Variants in KIF6 observed in about 807,000 individuals in gnomAD.
KIF6 encodes the protein kinesin family member 6, also known as kinesin-like protein KIF6.
A neutral mutation model predicts 112.7 loss-of-function variants in KIF6; 106 were observed. That is an observed-to-expected ratio of 0.94 (90% CI 0.80 to 1.11). The LOEUF is 1.11. Among genes scored for constraint, KIF6 ranks in the 50% least tolerant of loss-of-function variants. KIF6 has a pLI of 0.00. For synonymous variants in KIF6, 339 were observed against 339.9 expected (o/e 1.00, Z 0.03); for missense variants, 929 against 964.0 (o/e 0.96, Z 0.48).
intron 15 of KIF6, among the ~76,000 whole-genome samples, chr6:39,400,788 G>C (rs1768643080): frequency 1.3e-5 from 2 of 152,196 alleles, no homozygotes; most frequent in South Asian, 4.1e-4. Flanking sequence ...GCAGTCAAGG[G>C]TATCAATGAA....
At chr6:39,518,660 C>T (rs1029333055) in intron 13 of KIF6, among the ~76,000 whole-genome samples, 3 of 152,186 alleles carry the variant, frequency 2.0e-5, no homozygotes, top group Admixed American at 2.0e-4. Flanking sequence ...AAAATCCAGA[C>T]AGTGCTTGTA....
rs569607707 is a variant in KIF6 at position 39,346,647 on chromosome 6, C to CT, written c.2181-122dup. ...CTTGGATGGTTTACACAGTAATTTT[C>CT]TTTTTTTCTTTTTTTTTGAGATGGA... On this transcript the variant is annotated intron_variant, in intron 19 of 22. Coordinates refer to ENST00000287152, the MANE Select transcript of KIF6 (RefSeq NM_145027.6). 9.7e-4 allele frequency: 517 copies of CT among 534,986 alleles called. 1 individual carries two copies. The highest frequency in any genetic ancestry group is 8.8e-3 in the African/African-American group (454 of 51,680). The allele number at this position is 534,986 out of a possible 1,614,324, so 33.1% of individuals were successfully genotyped here.
At chr6:39,605,116 T>C (rs1435439474) in intron 6 of KIF6, among the ~76,000 whole-genome samples, 1 of 152,124 alleles carries the variant, frequency 6.6e-6, no homozygotes, top group Non-Finnish European at 1.5e-5. Flanking sequence ...CTAGATAGCA[T>C]CATATCCTCC....
chr6:39,655,091 T>G (rs1156344570), intron 3 of KIF6, among the ~76,000 whole-genome samples: 1 of 152,200 alleles, frequency 6.6e-6, no homozygotes, highest in East Asian at 1.9e-4. Context: ...AGTTCCTATT[T>G]CCTCACTTGC....
intron 14 of KIF6, among the ~76,000 whole-genome samples, chr6:39,429,914 A>C (rs1771033353): frequency 1.3e-5 from 2 of 152,162 alleles, no homozygotes; most frequent in Admixed American, 1.3e-4. Flanking sequence ...TCTCAAAAAA[A>C]AAAAATGATT....
intron 15 of KIF6, among the ~76,000 whole-genome samples, chr6:39,406,984 T>C (rs1176883990): frequency 6.6e-6 from 1 of 152,186 alleles, no homozygotes; most frequent in Non-Finnish European, 1.5e-5. Context: ...CTTGAACTCC[T>C]GGCCTCAAGT....
At chr6:39,457,980 C>T (rs911506489) in intron 13 of KIF6, among the ~76,000 whole-genome samples, 11 of 150,876 alleles carry the variant, frequency 7.3e-5, no homozygotes, top group Admixed American at 6.6e-5. Flanking sequence ...GAAACTATTC[C>T]AATCAATAGA....
chr6:39,577,362 A>G (rs1217371992), intron 10 of KIF6, among the ~76,000 whole-genome samples: 1 of 152,248 alleles, frequency 6.6e-6, no homozygotes, highest in Admixed American at 6.5e-5. Flanking sequence ...AATCCTATGT[A>G]GCTCTATTTC....
chr6:39,520,568 G>A (rs1454163637), intron 13 of KIF6, among the ~76,000 whole-genome samples: 1 of 152,218 alleles, frequency 6.6e-6, no homozygotes, highest in Non-Finnish European at 1.5e-5. Context: ...TTCAGCCAGT[G>A]TTGCATAACT....
chr6:39,377,586 G>A (rs1297352317), intron 16 of KIF6, among the ~76,000 whole-genome samples: 2 of 152,214 alleles, frequency 1.3e-5, no homozygotes, highest in Non-Finnish European at 2.9e-5. Flanking sequence ...TCAAATGGGA[G>A]AAAGTGGCAT....
Position 39,419,898 on chromosome 6 carries a change from C to T in KIF6, c.1810+50G>A, listed in dbSNP as rs79151622. ...TGGAGGCACATCATGACCTGATTTTCACCAGGAAAATGGTTTCTGAAAGAG... is the reference window on the plus strand; with the variant it reads ...TGGAGGCACATCATGACCTGATTTTTACCAGGAAAATGGTTTCTGAAAGAG... On this transcript the variant is annotated intron_variant, in intron 15 of 22. Transcript: ENST00000287152. The T allele has an allele frequency of 3.1e-3, 4,579 of 1,498,748 alleles. 66 individuals carry two copies. In the African/African-American group the frequency reaches 0.039, roughly 13 times the overall value. The allele number at this position is 1,498,748 out of a possible 1,614,324, so 92.8% of individuals were successfully genotyped here.
chr6:39,603,145 C>T (rs920438039), intron 6 of KIF6, among the ~76,000 whole-genome samples: 3 of 152,104 alleles, frequency 2.0e-5, no homozygotes, highest in Non-Finnish European at 4.4e-5. Flanking sequence ...GAGTGTTTGG[C>T]GTCCTGCTCA....
intron 13 of KIF6, among the ~76,000 whole-genome samples, chr6:39,491,554 G>A (rs998594381): frequency 7.9e-5 from 12 of 152,100 alleles, no homozygotes; most frequent in Admixed American, 3.3e-4. Context: ...GCAGATTTCC[G>A]TACTTTTGGT....
chr6:39,402,226 T>A lies in KIF6; in HGVS notation c.1811-16554A>T, dbSNP rs551543640. 2.0e-5 allele frequency among the ~76,000 whole-genome samples: 3 copies of A among 152,218 alleles called. No homozygotes were observed. The South Asian group carries it at 6.2e-4, about 32-fold the overall frequency. On this transcript the variant is annotated intron_variant, in intron 15 of 22. Transcript: ENST00000287152. ...GGGCAATGGAAAAGGTACGATGTGT[T>A]ACTGTGATGGAAAGCACTGTCAACC...
At chr6:39,381,410 C>T (rs146169448) in intron 16 of KIF6, among the ~76,000 whole-genome samples, 1 of 152,212 alleles carries the variant, frequency 6.6e-6, no homozygotes, top group African/African-American at 2.4e-5. Context: ...ACAAAAAAGA[C>T]AGAAATGAAA....
In KIF6 at chr6:39,657,560, C is replaced by T. The variant is rs908851592; in HGVS notation, c.252-17803G>A. ...CACATTTTAACAAGCAGTGTCAACA[C>T]AATTACATAATTGTTTCTCTGACAA... On this transcript the variant is annotated intron_variant, in intron 3 of 22. Coordinates refer to ENST00000287152, the MANE Select transcript of KIF6 (RefSeq NM_145027.6). Among the ~76,000 whole-genome samples the T allele has an allele frequency of 3.3e-5, 5 of 152,280 alleles. No homozygotes were observed. In the East Asian group the frequency reaches 9.6e-4, roughly 29 times the overall value.
At chr6:39,454,859 G>C (rs931065226) in intron 13 of KIF6, among the ~76,000 whole-genome samples, 3 of 152,156 alleles carry the variant, frequency 2.0e-5, no homozygotes, top group Non-Finnish European at 4.4e-5. Context: ...CACCTGGCTC[G>C]GAGGGTCCTA....
chr6:39,352,937 T>C (rs764281838), intron 19 of KIF6, among the ~76,000 whole-genome samples: 1 of 152,238 alleles, frequency 6.6e-6, no homozygotes, highest in Non-Finnish European at 1.5e-5. Flanking sequence ...GGTTTGTTTA[T>C]TCATTCACTT....
intron 16 of KIF6, among the ~76,000 whole-genome samples, chr6:39,376,767 G>T (rs904510628): frequency 6.6e-6 from 1 of 152,208 alleles, no homozygotes; most frequent in South Asian, 2.1e-4. Flanking sequence ...GGGAGGGGAA[G>T]TTTGGACTAT....
Sources: gnomAD v4.1 joint callset for allele counts (sites outside exome capture counted in the v4.1 genomes callset) on GRCh38, gnomAD v4.1.1 for gene constraint, MANE v1.5 for transcripts, NCBI Gene and HGNC (gene_info 2026-07-23, HGNC 2026-07-21) for gene names.